The following CRACD variants were observed in gnomAD, a reference collection of about 807,000 sequenced individuals.
The protein encoded by CRACD is capping protein inhibiting regulator of actin dynamics.
Under a neutral mutation model 106.8 loss-of-function variants are expected in CRACD, and 56 were observed. That is an observed-to-expected ratio of 0.52 (90% CI 0.42 to 0.66). The LOEUF (loss-of-function observed/expected upper bound fraction) is 0.66, where lower values mean the gene tolerates loss of function less well. Ranked by LOEUF, CRACD falls within the 30% of genes least tolerant of loss-of-function variation. The probability of loss-of-function intolerance (pLI) is 0.00; values close to 1 mark genes in which losing one functional copy is unlikely to be tolerated. For synonymous variants in CRACD, 754 were observed against 670.8 expected, an observed-to-expected ratio of 1.12 and a Z score of -1.92; for missense variants, 1,730 against 1,623.2, an observed-to-expected ratio of 1.07 and a Z score of -1.13.
intron 1 of CRACD, among the ~76,000 whole-genome samples, chr4:56,123,713 C>G (rs561796344): frequency 1.3e-5 from 2 of 152,260 alleles, no homozygotes; most frequent in African/African-American, 2.4e-5. Context: ...GGATTCCAGT[C>G]TGGGCATCCA....
chr4:56,156,002 C>T (rs1005917468), intron 1 of CRACD, among the ~76,000 whole-genome samples: 2 of 152,056 alleles, frequency 1.3e-5, no homozygotes, highest in African/African-American at 4.8e-5. Context: ...TTTGCTCTGT[C>T]ACCCAGGCTG....
At chr4:56,144,464 C>T (rs937354562) in intron 1 of CRACD, among the ~76,000 whole-genome samples, 1 of 152,110 alleles carries the variant, frequency 6.6e-6, no homozygotes, top group Non-Finnish European at 1.5e-5. Context: ...CGAGGATAAC[C>T]GGAAGCTCTC....
Position 56,315,848 on chromosome 4 carries a change from C to T in CRACD, c.2346C>T (p.Pro782=), listed in dbSNP as rs767386735. ...AGAAGTCGGAGATGCACCGGGAGCC[C>T]GCAGACACCACCGAGGGATGCAAAT... ...GPEKSEMHRE[P]ADTTEGCKFA... The change falls in exon 8 of 11, where the codon CCC becomes CCT. Residue 782 remains proline, a synonymous_variant. Transcript: ENST00000682029. The surrounding 1 kb of genome is among the most constrained non-coding windows in gnomAD (Gnocchi z 4.1). The T allele has an allele frequency of 1.2e-6, 2 of 1,614,156 alleles. No individual in the cohort carries two copies. Among genetic ancestry groups the T allele is most frequent in the African/African-American group, 1.3e-5 (1 of 75,042 alleles).
rs976110915 is a variant in CRACD at position 56,328,846 on chromosome 4, A to G, written c.*1042A>G. 6.6e-6 allele frequency among the ~76,000 whole-genome samples: 1 copy of G among 152,200 alleles called. No individual in the cohort carries two copies. Among genetic ancestry groups the G allele is most frequent in the African/African-American group, 2.4e-5 (1 of 41,464 alleles). Reference sequence around the variant, plus strand: ...AAATAATAAAACAACCCCCCAAGCCAGCCATTTATTACAAGAAGCAACAGG... The same window carrying G: ...AAATAATAAAACAACCCCCCAAGCCGGCCATTTATTACAAGAAGCAACAGG... On this transcript the variant is annotated 3_prime_UTR_variant, in exon 11 of 11. Transcript: ENST00000682029.
chr4:56,263,935 A>G (rs1359742298), intron 2 of CRACD, among the ~76,000 whole-genome samples: 1 of 152,122 alleles, frequency 6.6e-6, no homozygotes, highest in African/African-American at 2.4e-5. Context: ...TCACACTGCT[A>G]TAAAGACATA....
intron 10 of CRACD, among the ~76,000 whole-genome samples, chr4:56,325,182 A>G (rs948654602): frequency 6.6e-6 from 1 of 152,126 alleles, no homozygotes; most frequent in Non-Finnish European, 1.5e-5. Flanking sequence ...TAAAAATACA[A>G]AAATTAGCCA....
chr4:56,115,555 T>C (rs552743848), intron 1 of CRACD, among the ~76,000 whole-genome samples: 4 of 152,292 alleles, frequency 2.6e-5, no homozygotes, highest in East Asian at 1.9e-4. Flanking sequence ...AGTTTTAGTA[T>C]TGGAAGATTT....
At position 56,260,907 on chromosome 4, in the gene CRACD, A is replaced by ATCCG. The variant is rs1183298439; in HGVS notation, c.-188-11411_-188-11410insGTCC. On this transcript the variant is annotated intron_variant, in intron 2 of 10. Coordinates refer to ENST00000682029, the MANE Select transcript of CRACD (RefSeq NM_001393381.1). ...TATCCATCCATCCATCCATCCATCC[A>ATCCG]TCCATCCATCCATCCGTCCATCCAT... Among the ~76,000 whole-genome samples the ATCCG allele has an allele frequency of 3.4e-4, 52 of 151,260 alleles. No individual in the cohort carries two copies. The South Asian group carries it at 0.01, about 30-fold the overall frequency.
intron 2 of CRACD, among the ~76,000 whole-genome samples, chr4:56,181,139 A>G (rs896357394): frequency 1.3e-5 from 2 of 152,226 alleles, no homozygotes; most frequent in Admixed American, 1.3e-4. Context: ...TTACTAGGAT[A>G]TTAGAATCCA....
chr4:56,063,042 A>G (rs960265212), intron 1 of CRACD, among the ~76,000 whole-genome samples: 3 of 150,292 alleles, frequency 2.0e-5, no homozygotes, highest in Non-Finnish European at 2.9e-5. Flanking sequence ...TAGTTATTTC[A>G]TATAGAACTT....
At chr4:56,235,988 G>T (rs141440404) in intron 2 of CRACD, among the ~76,000 whole-genome samples, 1 of 152,112 alleles carries the variant, frequency 6.6e-6, no homozygotes, top group Non-Finnish European at 1.5e-5. Context: ...AGTTATCTGC[G>T]CTGGGTAGCT....
chr4:56,280,320 T>C (rs920307509), intron 3 of CRACD, among the ~76,000 whole-genome samples: 9 of 151,018 alleles, frequency 6.0e-5, no homozygotes, highest in Middle Eastern at 3.4e-3. Context: ...AGAAAAGAAA[T>C]GTGACTACAC....
At chr4:56,098,597 C>T (rs977136713) in intron 1 of CRACD, among the ~76,000 whole-genome samples, 2 of 152,134 alleles carry the variant, frequency 1.3e-5, no homozygotes, top group African/African-American at 2.4e-5. Flanking sequence ...TCTACTTCTT[C>T]CACTTACTAA....
At chr4:56,218,757 G>C (rs1415130689) in intron 2 of CRACD, among the ~76,000 whole-genome samples, 2 of 151,856 alleles carry the variant, frequency 1.3e-5, no homozygotes, top group African/African-American at 2.4e-5. Flanking sequence ...ACAGTCATAA[G>C]CCACCATGCC....
chr4:56,307,868 A>G (rs1744845517), intron 5 of CRACD, among the ~76,000 whole-genome samples, 169 bp downstream of exon 5: 1 of 152,178 alleles, frequency 6.6e-6, no homozygotes, highest in Non-Finnish European at 1.5e-5. Flanking sequence ...GTAGCCAGTG[A>G]AGAGGACAGG....
At chr4:56,134,697 A>G (rs887032832) in intron 1 of CRACD, among the ~76,000 whole-genome samples, 5 of 152,224 alleles carry the variant, frequency 3.3e-5, no homozygotes, top group African/African-American at 1.2e-4. Flanking sequence ...AGAGGTTATT[A>G]TAGGCAAAGC....
intron 2 of CRACD, among the ~76,000 whole-genome samples, chr4:56,214,666 T>TCC (rs1738576346): frequency 1.2e-5 from 1 of 82,454 alleles, no homozygotes; most frequent in African/African-American, 4.3e-5. Flanking sequence ...TCTCTCTCTC[T>TCC]CTCTCTCTCT....
rs1035041301 is a variant in CRACD, at chr4:56,267,870, G to C, written c.-188-4451G>C. Reference sequence around the variant, plus strand: ...TTTTTGATAAACAGTCTTCAAGTAGGCTAGCTCTATAAATGGGCCACCTGA... The same window carrying C: ...TTTTTGATAAACAGTCTTCAAGTAGCCTAGCTCTATAAATGGGCCACCTGA... On this transcript the variant is annotated intron_variant, in intron 2 of 10. Transcript: ENST00000682029. Among the ~76,000 whole-genome samples, 3 of 152,264 alleles carry C rather than the reference G, an allele frequency of 2.0e-5. No homozygotes were observed. In the East Asian group the frequency reaches 5.8e-4, roughly 29 times the overall value.
rs1025192792 is a variant in CRACD, at chr4:56,187,324, C to G, written c.-189+7894C>G. Among the ~76,000 whole-genome samples the G allele has an allele frequency of 2.6e-5, 4 of 152,072 alleles. No homozygotes were observed. In the East Asian group the frequency reaches 7.7e-4, roughly 29 times the overall value. ...GGGCCTCCCAGAGGTGTCATTCGAG[C>G]TGTCTTGAAAGATGAGAAGGTGCTT... On this transcript the variant is annotated intron_variant, in intron 2 of 10. Coordinates refer to ENST00000682029, the MANE Select transcript of CRACD (RefSeq NM_001393381.1).
Sources: allele counts gnomAD v4.1 joint callset (sites outside exome capture counted in the v4.1 genomes callset), GRCh38; gene constraint gnomAD v4.1.1; non-coding constraint Gnocchi (gnomAD v3.1); transcripts MANE v1.5; gene names NCBI Gene and HGNC (gene_info 2026-07-23, HGNC 2026-07-21).